ZMPSTE24: variants seen among roughly 807,000 people sequenced by gnomAD.
ZMPSTE24 encodes CAAX prenyl protease 1 homolog.
ZMPSTE24 carries 48 observed loss-of-function variants against 56.7 expected under a neutral mutation model. The ratio of observed to expected loss-of-function variants is 0.85; its 90% CI spans 0.67 to 1.08. The LOEUF (loss-of-function observed/expected upper bound fraction) is 1.08, where lower values mean the gene tolerates loss of function less well. Among genes scored for constraint, ZMPSTE24 ranks in the 50% least tolerant of loss-of-function variants. The pLI, the probability that ZMPSTE24 is intolerant of heterozygous loss-of-function variation, is 0.00. For synonymous variants in ZMPSTE24, 172 were observed against 195.2 expected (o/e 0.88, Z 0.99); for missense variants, 503 against 548.7 (o/e 0.92, Z 0.83).
At chr1:40,281,305 T>G in intron 6 of ZMPSTE24, 38 bp from the exon 7 acceptor site, 1 of 1,610,460 alleles carries the variant, frequency 6.2e-7, no homozygotes, top group Non-Finnish European at 8.5e-7. Context: ...CCCAAACTTT[T>G]TAATTATATT....
At chr1:40,281,878 G>A (rs1038236170) in intron 7 of ZMPSTE24, among the ~76,000 whole-genome samples, 1 of 152,008 alleles carries the variant, frequency 6.6e-6, no homozygotes, top group Non-Finnish European at 1.5e-5. Context: ...ATTCCCACAA[G>A]CAAGATAAAG....
At chr1:40,267,204 T>C (rs957415546) in intron 2 of ZMPSTE24, among the ~76,000 whole-genome samples, 1 of 152,158 alleles carries the variant, frequency 6.6e-6, no homozygotes, top group African/African-American at 2.4e-5. Context: ...TTCATCCATA[T>C]ATAGTGTACA....
intron 3 of ZMPSTE24, 76 bp from the exon 4 acceptor site, chr1:40,268,343 A>C (rs1247057058): frequency 1.8e-5 from 17 of 940,130 alleles, no homozygotes; most frequent in Non-Finnish European, 2.6e-5. Context: ...GTAGTAAGTA[A>C]GTGCTCAGCA....
chr1:40,273,788 A>C (rs1188113162), intron 6 of ZMPSTE24, among the ~76,000 whole-genome samples: 1 of 151,616 alleles, frequency 6.6e-6, no homozygotes, highest in African/African-American at 2.4e-5. Context: ...CTGAAGGAGC[A>C]ACCTAAGTTG....
At chr1:40,290,450 ATTTTTTTTTT>A (rs996301433) in intron 8 of ZMPSTE24, among the ~76,000 whole-genome samples, 7,985 of 82,424 alleles carry the variant, frequency 0.097, 529 homozygotes, top group East Asian at 0.24. Flanking sequence ...CACACTATGA[ATTTTTTTTTT>A]TTTTTTTTTT....
rs942042513 is a variant in ZMPSTE24 at position 40,292,535 on chromosome 1, T to C, written c.1294T>C (p.Tyr432His). ...AKKLGKAKDL[Y>H]SALIKLNKDN... Reference sequence around the variant, plus strand: ...GAAACTTGGGAAGGCTAAAGACTTATATTCTGCTTTAATCAAACTTAACAA... The same window carrying C: ...GAAACTTGGGAAGGCTAAAGACTTACATTCTGCTTTAATCAAACTTAACAA... Residue 432 changes from tyrosine (Y) to histidine (H), a missense_variant, in exon 10 of 10, where the codon TAT (tyrosine) becomes CAT (histidine). Physicochemically the swap from Tyr to His is moderately conservative, Grantham distance 83. Coordinates refer to ENST00000372759, the MANE Select transcript of ZMPSTE24 (RefSeq NM_005857.5). The C allele has an allele frequency of 6.2e-7, 1 of 1,614,192 alleles. No individual in the cohort carries two copies. Among genetic ancestry groups the C allele is most frequent in the Non-Finnish European group, 8.5e-7 (1 of 1,180,028 alleles).
intron 8 of ZMPSTE24, among the ~76,000 whole-genome samples, chr1:40,288,449 C>T (rs1409602272): frequency 6.6e-6 from 1 of 152,194 alleles, no homozygotes; most frequent in Non-Finnish European, 1.5e-5. Flanking sequence ...TAAATGGTCC[C>T]TGAGATGTGG....
chr1:40,271,990 G>A lies in ZMPSTE24; in HGVS notation c.724G>A (p.Ala242Thr), dbSNP rs772647434. The change falls in exon 6 of 10, where the codon GCA becomes ACA. Residue 242 changes from alanine to threonine, a missense_variant. Transcript: ENST00000372759. ...GCTTAAAGAAGAAATTGAAGTAATGGCAAAGAGTATTGACTTTCCTTTGAC... is the reference window on the plus strand; with the variant it reads ...GCTTAAAGAAGAAATTGAAGTAATGACAAAGAGTATTGACTTTCCTTTGAC... ...GKLKEEIEVMAKSIDFPLTKV... is the reference protein window; with the variant it reads ...GKLKEEIEVMTKSIDFPLTKV... The A allele has an allele frequency of 9.9e-6, 16 of 1,613,034 alleles. No homozygotes were observed. In the East Asian group the frequency reaches 1.8e-4, roughly 18 times the overall value.
chr1:40,264,602 A>G (rs531991934), intron 2 of ZMPSTE24, among the ~76,000 whole-genome samples: 1 of 152,226 alleles, frequency 6.6e-6, no homozygotes, highest in South Asian at 2.1e-4. Flanking sequence ...GAAGCCAGGC[A>G]TGATGACTCA....
chr1:40,269,614 T>C (rs548251472), intron 4 of ZMPSTE24, among the ~76,000 whole-genome samples: 2 of 152,180 alleles, frequency 1.3e-5, no homozygotes, highest in East Asian at 3.9e-4. Context: ...TGAATTATAC[T>C]ACACTGGGTT....
chr1:40,286,700 C>T (rs1410582246), intron 8 of ZMPSTE24, among the ~76,000 whole-genome samples: 3 of 149,048 alleles, frequency 2.0e-5, no homozygotes, highest in Non-Finnish European at 3.0e-5. Context: ...GGATTATAGG[C>T]GTGAACCACT....
intron 7 of ZMPSTE24, 62 bp downstream of exon 7, chr1:40,281,589 C>A: frequency 6.6e-7 from 1 of 1,517,850 alleles, no homozygotes; most frequent in Non-Finnish European, 9.0e-7. Context: ...TGTGACAACT[C>A]AAAATAACAT....
rs754971777 is a variant in ZMPSTE24 at position 40,258,279 on chromosome 1, T to C, written c.8T>C (p.Met3Thr). Residue 3 changes from methionine to threonine, a missense_variant, in exon 1 of 10, where the codon ATG (methionine) becomes ACG (threonine). Coordinates refer to ENST00000372759, the MANE Select transcript of ZMPSTE24 (RefSeq NM_005857.5). ...CGGCGGAACCGGGTGGCCATGGGGA[T>C]GTGGGCATCGCTGGACGCTTTGTGG... is the stretch of plus-strand genomic sequence containing the variant. MG[M>T]WASLDALWEM... 154 of 1,613,840 alleles carry C rather than the reference T, an allele frequency of 9.5e-5. 4 individuals carry two copies. In the South Asian group the frequency reaches 1.6e-3, roughly 17 times the overall value.
chr1:40,258,438 C>T, intron 1 of ZMPSTE24, 44 bp downstream of exon 1: 3 of 1,613,108 alleles, frequency 1.9e-6, no homozygotes, highest in Non-Finnish European at 2.5e-6. Context: ...ACCCGGCCAG[C>T]CCTGGAGTAG....
chr1:40,273,537 A>AAAAAAAAAAAAAATATATATATAT, intron 6 of ZMPSTE24, among the ~76,000 whole-genome samples: 1 of 12,388 alleles, frequency 8.1e-5, no homozygotes, highest in Non-Finnish European at 2.0e-4. Flanking sequence ...AAAAAAAAAA[A>AAAAAAAAAAAAAATATATATATAT]ATATATATAT....
At position 40,285,937 on chromosome 1, in the gene ZMPSTE24, G is replaced by A; in HGVS notation, c.967G>A (p.Gly323Arg). The change falls in exon 8 of 10, where the codon GGA becomes AGA. Residue 323 changes from glycine to arginine, a missense_variant. By Grantham distance (125) the Gly-to-Arg change is moderately radical (BLOSUM62 -2). Transcript: ENST00000372759. ...TTTTTTTATTCAGAATAAGAAACAA[G>A]GATGTAAAAATGAGGAGGTACTCGC... is the stretch of plus-strand genomic sequence containing the variant. ...IKAKVKNKKQ[G>R]CKNEEVLAVL... 2 of 1,613,428 alleles carry A rather than the reference G, an allele frequency of 1.2e-6. No homozygotes were observed. Among genetic ancestry groups the A allele is most frequent in the East Asian group, 2.2e-5 (1 of 44,852 alleles).
chr1:40,293,879 CT>C lies in ZMPSTE24; in HGVS notation c.*1212del, dbSNP rs768760483. On this transcript the variant is annotated 3_prime_UTR_variant, in exon 10 of 10. Coordinates refer to ENST00000372759, the MANE Select transcript of ZMPSTE24 (RefSeq NM_005857.5). ...CTCACTCACTGATAATGCTTATTAC[CT>C]TCTGGGCATTTATTCCAAAGTGGGA... is the stretch of plus-strand genomic sequence containing the variant. The C allele has an allele frequency of 7.9e-5, 12 of 152,352 alleles. 1 individual carries two copies. The highest frequency in any genetic ancestry group is 3.9e-4 in the East Asian group (2 of 5,192). 9.4% of individuals were successfully genotyped at this position (152,352 alleles called of 1,614,324 possible). A position where few individuals can be genotyped will look rare whatever the true frequency, so the allele number is the denominator to read the frequency against.
intron 7 of ZMPSTE24, among the ~76,000 whole-genome samples, chr1:40,283,134 C>T (rs1462316282): frequency 6.6e-6 from 1 of 152,092 alleles, no homozygotes; most frequent in African/African-American, 2.4e-5. Context: ...TTAAAGTCAT[C>T]TTATAAATAG....
chr1:40,287,388 A>T (rs935269591), intron 8 of ZMPSTE24, among the ~76,000 whole-genome samples: 18 of 152,106 alleles, frequency 1.2e-4, no homozygotes, highest in African/African-American at 4.3e-4. Context: ...TTTTTCATTT[A>T]AAAGTTATTG....
Sources: gnomAD v4.1 joint callset for allele counts (sites outside exome capture counted in the v4.1 genomes callset) on GRCh38, gnomAD v4.1.1 for gene constraint, MANE v1.5 for transcripts, NCBI Gene and HGNC (gene_info 2026-07-23, HGNC 2026-07-21) for gene names.